OSBPL10: variants seen among roughly 807,000 people sequenced by gnomAD.
OSBPL10 encodes oxysterol-binding protein-related protein 10.
A neutral mutation model predicts 81.7 loss-of-function variants in OSBPL10; 49 were observed. The observed-to-expected ratio is 0.60, with a 90% CI of 0.48 to 0.76. The LOEUF is 0.76. OSBPL10 is among the 30% of genes least tolerant of loss of function. The probability of loss-of-function intolerance (pLI) is 0.00; values close to 1 mark genes in which losing one functional copy is unlikely to be tolerated. For synonymous variants in OSBPL10, 419 were observed against 383.6 expected (o/e 1.09, Z -1.08); for missense variants, 923 against 987.8 (o/e 0.93, Z 0.88).
intron 1 of OSBPL10, among the ~76,000 whole-genome samples, chr3:31,927,662 G>A (rs184732331): frequency 6.6e-6 from 1 of 152,332 alleles, no homozygotes; most frequent in African/African-American, 2.4e-5. Flanking sequence ...ATAATTTTCA[G>A]GGTCACCCAA....
At position 31,837,333 on chromosome 3, in the gene OSBPL10, ATATATATAT is replaced by A. The variant is rs1233443320; in HGVS notation, c.538-7111_538-7103del. 2.8e-3 allele frequency among the ~76,000 whole-genome samples: 49 copies of A among 17,476 alleles called. 1 individual carries two copies. Among genetic ancestry groups the A allele is most frequent in the African/African-American group, 9.7e-3 (43 of 4,450 alleles). The allele number at this position is 17,476 out of a possible 152,430, so 11.5% of individuals were successfully genotyped here. On this transcript the variant is annotated intron_variant, in intron 3 of 11. Coordinates refer to ENST00000396556, the MANE Select transcript of OSBPL10 (RefSeq NM_017784.5). ...ACAGATCCCCAAATTATATATATAT[ATATATATAT>A]ATATATATATATATATATATATATA...
chr3:31,689,843 G>A (rs898056936), intron 7 of OSBPL10, among the ~76,000 whole-genome samples: 1 of 151,958 alleles, frequency 6.6e-6, no homozygotes, highest in Non-Finnish European at 1.5e-5. Context: ...TTTCTTCCCA[G>A]TCTCAGGTAT....
At chr3:31,919,514 T>A (rs1696853230) in intron 1 of OSBPL10, 1 of 152,106 alleles carries the variant, frequency 6.6e-6, no homozygotes, top group South Asian at 2.1e-4. Context: ...CAATCTCTGT[T>A]TTTCCAGAAA....
At chr3:31,737,767 A>C (rs1697227050) in intron 5 of OSBPL10, among the ~76,000 whole-genome samples, 1 of 152,048 alleles carries the variant, frequency 6.6e-6, no homozygotes, top group Admixed American at 6.6e-5. Context: ...CGAAGCAGGC[A>C]GATCACCTGA....
At chr3:31,963,789 C>T (rs577669363) in intron 1 of OSBPL10, among the ~76,000 whole-genome samples, 9 of 152,086 alleles carry the variant, frequency 5.9e-5, no homozygotes, top group South Asian at 2.1e-4. Flanking sequence ...GATAAAAATG[C>T]TTTCTTGTAA....
Position 31,989,128 on chromosome 3 carries a change from A to G in OSBPL10, n.298+57363T>C, listed in dbSNP as rs747073587. The G allele has an allele frequency of 3.1e-6, 5 of 1,614,074 alleles. No individual in the cohort carries two copies. In the African/African-American group the frequency reaches 5.3e-5, roughly 17 times the overall value. On this transcript the variant is annotated intron_variant and non_coding_transcript_variant, in intron 2 of 3. Coordinates refer to the OSBPL10 transcript ENST00000479173. ...GAAGAGGAAAGAAAAGGAGCCAGGC[A>G]TGGCTCTTCCTCAGGGACACTTGAC... is the stretch of plus-strand genomic sequence containing the variant.
Position 32,016,834 on chromosome 3 carries a change from AT to A in OSBPL10, n.298+29656del, listed in dbSNP as rs545743699. Among the ~76,000 whole-genome samples the A allele has an allele frequency of 1.7e-3, 255 of 152,312 alleles. 3 individuals are homozygous for A. Among genetic ancestry groups the A allele is most frequent in the African/African-American group, 5.2e-3 (218 of 41,560 alleles). ...GATTAAACATCGCATTAGCAGAGTG[AT>A]CCTGGACCAGGTACTTAATCTGTCT... On this transcript the variant is annotated intron_variant and non_coding_transcript_variant, in intron 2 of 3. Transcript: ENST00000479173.
In OSBPL10 at chr3:32,019,931, T is replaced by C. The variant is rs1205571004; in HGVS notation, n.298+26560A>G. 2.6e-5 allele frequency among the ~76,000 whole-genome samples: 4 copies of C among 152,324 alleles called. No individual in the cohort carries two copies. The East Asian group carries it at 7.7e-4, about 29-fold the overall frequency. ...TATTGTGGTGAGGGTGCTGCTCTGA[T>C]GGGTGGTTCTAGATATGTGGATCAA... On this transcript the variant is annotated intron_variant and non_coding_transcript_variant, in intron 2 of 3. Transcript: ENST00000479173.
At chr3:31,700,891 C>A (rs1478172563) in intron 7 of OSBPL10, among the ~76,000 whole-genome samples, 1 of 152,128 alleles carries the variant, frequency 6.6e-6, no homozygotes, top group Non-Finnish European at 1.5e-5. Context: ...GAGAACAAGT[C>A]GTCATAGCTT....
chr3:31,749,911 T>A (rs1697659214), intron 4 of OSBPL10, among the ~76,000 whole-genome samples: 1 of 151,886 alleles, frequency 6.6e-6, no homozygotes, highest in Non-Finnish European at 1.5e-5. Flanking sequence ...CCGGGCATGG[T>A]GGCTCACGCC....
At chr3:31,816,490 G>T (rs1303966300) in intron 4 of OSBPL10, among the ~76,000 whole-genome samples, 1 of 152,154 alleles carries the variant, frequency 6.6e-6, no homozygotes, top group Non-Finnish European at 1.5e-5. Flanking sequence ...TTACACAGGG[G>T]AACAAGACAG....
chr3:31,931,227 T>C (rs1489765291), intron 1 of OSBPL10, among the ~76,000 whole-genome samples: 1 of 152,044 alleles, frequency 6.6e-6, no homozygotes, highest in Admixed American at 6.6e-5. Context: ...TAATACCTAC[T>C]AAAAAATGAA....
At chr3:31,781,374 T>G (rs1033265110) in intron 4 of OSBPL10, among the ~76,000 whole-genome samples, 2 of 152,130 alleles carry the variant, frequency 1.3e-5, no homozygotes, top group African/African-American at 2.4e-5. Flanking sequence ...TGGGGGAAAG[T>G]TGAAAGCATT....
rs72859630 is a variant in OSBPL10, at chr3:31,750,472, A to G, written c.730-2352T>C. On this transcript the variant is annotated intron_variant, in intron 4 of 11. Coordinates refer to ENST00000396556, the MANE Select transcript of OSBPL10 (RefSeq NM_017784.5). ...ACACTCTACAGAATACTTGATGAAC[A>G]TAATATGGCTGAAGATTTAGTAACA... Among the ~76,000 whole-genome samples the G allele has an allele frequency of 8.0e-3, 1,223 of 152,332 alleles. 9 individuals are homozygous for G. The highest frequency in any genetic ancestry group is 0.028 in the African/African-American group (1,155 of 41,584).
chr3:31,730,286 A>T (rs1696932876), intron 6 of OSBPL10, among the ~76,000 whole-genome samples: 1 of 151,910 alleles, frequency 6.6e-6, no homozygotes, highest in South Asian at 2.1e-4. Flanking sequence ...GGTTGCAGTG[A>T]GCTGAGATCG....
At position 31,879,726 on chromosome 3, in the gene OSBPL10, A is replaced by G; in HGVS notation, c.386T>C (p.Val129Ala). Residue 129 changes from valine to alanine, a missense_variant, in exon 2 of 12, where the codon GTG (valine) becomes GCG (alanine). Val to Ala is a moderately conservative substitution (Grantham distance 64). This residue lies in a region of OSBPL10 where 514 missense variants were observed against 508.0 expected (regional missense o/e 1.01). Transcript: ENST00000396556. The part of the protein sequence containing the change: ...RGVLSLSGAI[V>A]SLSDEAPHML... ...GTGGGGAGCTTCATCGCTCAGGGAC[A>G]CTATGGCTCCAGATAAAGACAGGAC... 6.2e-7 allele frequency: 1 copy of G among 1,614,236 alleles called. No individual in the cohort carries two copies. Among genetic ancestry groups the G allele is most frequent in the Non-Finnish European group, 8.5e-7 (1 of 1,180,042 alleles).
intron 2 of OSBPL10, among the ~76,000 whole-genome samples, chr3:32,027,305 G>A (rs760333481): frequency 3.9e-5 from 6 of 152,082 alleles, no homozygotes; most frequent in African/African-American, 9.7e-5. Context: ...TTAAAAATGC[G>A]AATACTATAT....
chr3:31,921,164 T>C (rs1328380107), intron 1 of OSBPL10, among the ~76,000 whole-genome samples: 1 of 152,140 alleles, frequency 6.6e-6, no homozygotes, highest in Non-Finnish European at 1.5e-5. Flanking sequence ...CATGATAAAC[T>C]TAATATAGAT....
chr3:31,840,439 T>TA (rs1313432355), intron 3 of OSBPL10, among the ~76,000 whole-genome samples: 16 of 152,316 alleles, frequency 1.1e-4, no homozygotes, highest in South Asian at 6.2e-4. Flanking sequence ...TGTTTCATGC[T>TA]AAAAAAATTA....
Sources: gnomAD v4.1 joint callset for allele counts (sites outside exome capture counted in the v4.1 genomes callset) on GRCh38, gnomAD v4.1.1 for gene constraint, gnomAD v4.1.1 regional missense constraint, MANE v1.5 for transcripts, NCBI Gene and HGNC (gene_info 2026-07-23, HGNC 2026-07-21) for gene names.